TRIO: variants seen among roughly 807,000 people sequenced by gnomAD.
TRIO encodes the protein triple functional domain protein.
In TRIO, 58 loss-of-function variants were observed where a neutral mutation model predicts 351.9. The ratio of observed to expected loss-of-function variants is 0.16; its 90% CI spans 0.13 to 0.21. TRIO has a LOEUF of 0.21. TRIO is among the 10% of genes least tolerant of loss of function. TRIO has a pLI of 1.00. For missense variants in TRIO, 3,201 were observed against 4,027.8 expected (o/e 0.79, Z 5.56); for synonymous variants, 1,758 against 1,595.7 (o/e 1.10, Z -2.42).
intron 1 of TRIO, among the ~76,000 whole-genome samples, chr5:14,258,364 A>G (rs1228546756): frequency 6.6e-6 from 1 of 152,122 alleles, no homozygotes; most frequent in African/African-American, 2.4e-5. Flanking sequence ...GTAGGTGCAG[A>G]GAGTTGGCCG....
intron 1 of TRIO, among the ~76,000 whole-genome samples, chr5:14,259,316 G>GA (rs1198337124): frequency 5.9e-5 from 9 of 151,826 alleles, no homozygotes; most frequent in African/African-American, 1.7e-4. Context: ...TAACCAGAAT[G>GA]AAAAAAAACC....
chr5:14,173,435 C>T (rs1789225441), intron 1 of TRIO, among the ~76,000 whole-genome samples: 1 of 152,030 alleles, frequency 6.6e-6, no homozygotes, highest in Non-Finnish European at 1.5e-5. Flanking sequence ...TCGTCTCCAA[C>T]TCCTGACCTC....
At chr5:14,443,123 T>C (rs1255803921) in intron 34 of TRIO, among the ~76,000 whole-genome samples, 2 of 152,184 alleles carry the variant, frequency 1.3e-5, no homozygotes, top group African/African-American at 4.8e-5. Flanking sequence ...TGCTGTTACA[T>C]TTTTTGTTTC....
intron 19 of TRIO, among the ~76,000 whole-genome samples, chr5:14,374,607 A>G (rs1170320654): frequency 6.6e-6 from 1 of 152,204 alleles, no homozygotes; most frequent in African/African-American, 2.4e-5. Flanking sequence ...TCAGGATGAT[A>G]TTTACTGACA....
At chr5:14,347,853 A>G (rs974604843) in intron 11 of TRIO, among the ~76,000 whole-genome samples, 5 of 152,368 alleles carry the variant, frequency 3.3e-5, no homozygotes, top group East Asian at 1.9e-4. Context: ...GTCAGGTGCT[A>G]GAATTCAGAT....
rs148978104 is a variant in TRIO at position 14,275,735 on chromosome 5, A to T, written c.233-4587A>T. Among the ~76,000 whole-genome samples, 941 of 151,238 alleles carry T rather than the reference A, an allele frequency of 6.2e-3. 9 individuals carry two copies. The highest frequency in any genetic ancestry group is 0.022 in the African/African-American group (888 of 41,266). On this transcript the variant is annotated intron_variant, in intron 2 of 56. Transcript: ENST00000344204. Reference sequence around the variant, plus strand: ...TGTTTTATTTCAAAGAATATTCTGGAGATCAGTATATAGCAGCACATAATA... The same window carrying T: ...TGTTTTATTTCAAAGAATATTCTGGTGATCAGTATATAGCAGCACATAATA...
chr5:14,152,967 G>T lies in TRIO; in HGVS notation c.157+9085G>T, dbSNP rs1787922739. 2.6e-5 allele frequency among the ~76,000 whole-genome samples: 4 copies of T among 152,340 alleles called. No homozygotes were observed. The South Asian group carries it at 8.3e-4, about 32-fold the overall frequency. The stretch of plus-strand genomic sequence containing the variant: ...CAATATTTAATTGCAGAATTTGCAG[G>T]ATTCATTGTTAGGCCTTTCTCTCAT... On this transcript the variant is annotated intron_variant, in intron 1 of 56. Coordinates refer to ENST00000344204, the MANE Select transcript of TRIO (RefSeq NM_007118.4).
chr5:14,338,232 C>T lies in TRIO; in HGVS notation c.2046+1505C>T, dbSNP rs532367295. On this transcript the variant is annotated intron_variant, in intron 11 of 56. Coordinates refer to ENST00000344204, the MANE Select transcript of TRIO (RefSeq NM_007118.4). ...TTTCTGAAATAGAAATTTGACTAGG[C>T]CGTACCCCTGCTTTTAAACTACCAG... is the stretch of plus-strand genomic sequence containing the variant. Among the ~76,000 whole-genome samples the T allele has an allele frequency of 2.6e-5, 4 of 152,310 alleles. No individual in the cohort carries two copies. The East Asian group carries it at 5.8e-4, about 22-fold the overall frequency.
chr5:14,488,053 C>T lies in TRIO; in HGVS notation c.7425C>T (p.Pro2475=), dbSNP rs761657839. 2.5e-6 allele frequency: 4 copies of T among 1,609,408 alleles called. No homozygotes were observed. Among genetic ancestry groups the T allele is most frequent in the African/African-American group, 1.3e-5 (1 of 74,940 alleles). The change falls in exon 48 of 57, where the codon CCC becomes CCT. Residue 2475 remains proline (P), a synonymous_variant. Coordinates refer to ENST00000344204, the MANE Select transcript of TRIO (RefSeq NM_007118.4). ...CTCTCGGCAAGGAGCCCTTCCCCCC[C>T]AGCAGCCCCCTGCAGAAGGGGGGCT... ...VPSLGKEPFP[P]SSPLQKGGSF... is the part of the protein sequence containing the mutation.
chr5:14,419,653 C>T, intron 33 of TRIO, 125 bp from the exon 34 acceptor site: 7 of 1,339,948 alleles, frequency 5.2e-6, no homozygotes, highest in Non-Finnish European at 7.2e-6. Flanking sequence ...ATCACACAAC[C>T]TCGGAGCACT....
Position 14,419,626 on chromosome 5 carries a change from A to G in TRIO, c.4960-152A>G. ...AGCTCTTATGAAAAATCATATTTTC[A>G]TACGGAGAGTGCAGTGATCACACAA... On this transcript the variant is annotated intron_variant, in intron 33 of 56. Transcript: ENST00000344204. The G allele has an allele frequency of 3.1e-6, 3 of 975,822 alleles. No homozygotes were observed. In the East Asian group the frequency reaches 7.8e-5, roughly 25 times the overall value. 60.4% of individuals were successfully genotyped at this position (975,822 alleles called of 1,614,324 possible).
In TRIO at chr5:14,272,751, G is replaced by T. The variant is rs539320261; in HGVS notation, c.232+1852G>T. Among the ~76,000 whole-genome samples, 8 of 152,294 alleles carry T rather than the reference G, an allele frequency of 5.3e-5. No homozygotes were observed. The East Asian group carries it at 1.5e-3, about 29-fold the overall frequency. Reference sequence around the variant, plus strand: ...TTACAGTATTCCTAATTTATGACCAGAACTGGCAAAGCTGATTAGCATGAG... The same window carrying T: ...TTACAGTATTCCTAATTTATGACCATAACTGGCAAAGCTGATTAGCATGAG... On this transcript the variant is annotated intron_variant, in intron 2 of 56. Coordinates refer to ENST00000344204, the MANE Select transcript of TRIO (RefSeq NM_007118.4).
intron 30 of TRIO, 95 bp downstream of exon 30, chr5:14,399,165 C>T: frequency 1.7e-6 from 2 of 1,175,228 alleles, no homozygotes; most frequent in Non-Finnish European, 1.3e-6. Context: ...TCAGTTTAAC[C>T]TCCCAATCTG....
intron 31 of TRIO, among the ~76,000 whole-genome samples, chr5:14,402,547 G>A: frequency 6.6e-6 from 1 of 152,144 alleles, no homozygotes; most frequent in Admixed American, 6.5e-5. Context: ...GGAGGTGGTG[G>A]AGACGCTGTG....
intron 33 of TRIO, among the ~76,000 whole-genome samples, chr5:14,408,048 G>C (rs1459912344): frequency 1.3e-5 from 2 of 152,216 alleles, no homozygotes; most frequent in African/African-American, 2.4e-5. Context: ...CCGGGAGTCT[G>C]TTCTCTGCAC....
At chr5:14,191,321 A>G (rs976663234) in intron 1 of TRIO, among the ~76,000 whole-genome samples, 6 of 152,198 alleles carry the variant, frequency 3.9e-5, no homozygotes, top group Admixed American at 1.3e-4. Flanking sequence ...GGCCAGGCAC[A>G]GTGGCTGCAC....
intron 31 of TRIO, among the ~76,000 whole-genome samples, chr5:14,403,435 T>TGTGAGGGTGTAGGTTGTG (rs1748339936): frequency 6.2e-5 from 2 of 32,234 alleles, no homozygotes; most frequent in African/African-American, 4.5e-4. Flanking sequence ...GGGTGTAGGT[T>TGTGAGGGTGTAGGTTGTG]GTGGTGAGGG....
chr5:14,403,585 TGTGGTG>T (rs1258105932), intron 31 of TRIO, among the ~76,000 whole-genome samples: 2 of 16,488 alleles, frequency 1.2e-4, no homozygotes, highest in African/African-American at 4.5e-4. Context: ...GGGTGTAGGT[TGTGGTG>T]GTGAGGGTGC....
At chr5:14,278,492 C>T (rs1314687658) in intron 2 of TRIO, among the ~76,000 whole-genome samples, 2 of 152,118 alleles carry the variant, frequency 1.3e-5, no homozygotes, top group Non-Finnish European at 2.9e-5. Flanking sequence ...ATGTTAGATG[C>T]TGGCTTTCTC....
Sources: gnomAD v4.1 joint callset for allele counts (sites outside exome capture counted in the v4.1 genomes callset) on GRCh38, gnomAD v4.1.1 for gene constraint, MANE v1.5 for transcripts, NCBI Gene and HGNC (gene_info 2026-07-23, HGNC 2026-07-21) for gene names.